LAMA3: variants seen among roughly 807,000 people sequenced by gnomAD.
LAMA3 encodes laminin subunit alpha-3.
Under a neutral mutation model 402.0 loss-of-function variants are expected in LAMA3, and 281 were observed. That is an observed-to-expected ratio of 0.70 (90% CI 0.63 to 0.77). The LOEUF (loss-of-function observed/expected upper bound fraction) is 0.77. Ranked by LOEUF, LAMA3 falls within the 30% of genes least tolerant of loss-of-function variation. The pLI is 0.00. For missense variants in LAMA3, 3,840 were observed against 4,215.5 expected (o/e 0.91, Z 2.47); for synonymous variants, 1,431 against 1,558.4 (o/e 0.92, Z 1.93).
At chr18:23,710,928 T>G (rs1339384265) in intron 1 of LAMA3, among the ~76,000 whole-genome samples, 1 of 152,234 alleles carries the variant, frequency 6.6e-6, no homozygotes, top group Non-Finnish European at 1.5e-5. Context: ...ACACTTTTGC[T>G]TGTTAATGTT....
chr18:23,943,745 G>T, intron 68 of LAMA3, 43 bp from the exon 69 acceptor site: 1 of 1,591,780 alleles, frequency 6.3e-7, no homozygotes. Context: ...TCGAAGGAAC[G>T]CTGAACACCT....
intron 19 of LAMA3, among the ~76,000 whole-genome samples, chr18:23,820,292 A>G (rs2063259849): frequency 6.6e-6 from 1 of 152,226 alleles, no homozygotes; most frequent in Non-Finnish European, 1.5e-5. Flanking sequence ...GAGACTTTTT[A>G]TAGAAGGGGG....
At position 23,689,637 on chromosome 18, in the gene LAMA3, C is replaced by G; in HGVS notation, c.-47C>G. 1 of 1,250,444 alleles carries G rather than the reference C, an allele frequency of 8.0e-7. No homozygotes were observed. Among genetic ancestry groups the G allele is most frequent in the South Asian group, 3.3e-5 (1 of 29,986 alleles). The allele number at this position is 1,250,444 out of a possible 1,614,324, so 77.5% of individuals were successfully genotyped here. ...CGCAGGCGGAGAGCGGCGGTGCCCC[C>G]GAGCCCCTCTGCGGACGGCTCAGGC... On this transcript the variant is annotated 5_prime_UTR_variant, in exon 1 of 75. Coordinates refer to ENST00000313654, the MANE Select transcript of LAMA3 (RefSeq NM_198129.4).
At chr18:23,939,113 C>T in intron 67 of LAMA3, 110 bp from the exon 68 acceptor site, 2 of 1,164,606 alleles carry the variant, frequency 1.7e-6, no homozygotes, top group Non-Finnish European at 2.5e-6. Flanking sequence ...TTCTATTGCC[C>T]TACTGAATTC....
intron 2 of LAMA3, among the ~76,000 whole-genome samples, chr18:23,718,340 G>A (rs1477831022): frequency 2.0e-5 from 3 of 152,152 alleles, no homozygotes; most frequent in Admixed American, 6.5e-5. Context: ...AGGTGGGTGC[G>A]GAGGGAGTTC....
At chr18:23,757,826 T>A (rs1598732218) in intron 6 of LAMA3, among the ~76,000 whole-genome samples, 1 of 152,266 alleles carries the variant, frequency 6.6e-6, no homozygotes, top group African/African-American at 2.4e-5. Context: ...ATGAGACTTT[T>A]AACCCTTTGC....
intron 29 of LAMA3, among the ~76,000 whole-genome samples, chr18:23,844,422 A>G (rs1011918460): frequency 5.3e-5 from 8 of 152,312 alleles, no homozygotes; most frequent in African/African-American, 1.9e-4. Context: ...CCAGGGAGAC[A>G]TCAGGCATGG....
At chr18:23,747,838 A>G (rs2061677818) in intron 2 of LAMA3, 105 bp from the exon 3 acceptor site, 8 of 765,752 alleles carry the variant, frequency 1.0e-5, no homozygotes, top group Non-Finnish European at 1.9e-5. Context: ...TGAGCAAGGG[A>G]TTGTGGTGGG....
rs117794189 is a variant in LAMA3 at position 23,899,922 on chromosome 18, G to A, written c.6004+467G>A. On this transcript the variant is annotated intron_variant, in intron 47 of 74. Transcript: ENST00000313654. Reference sequence around the variant, plus strand: ...TTTTGGATTTTGGAATATTTGCATAGACTTAATGAGACCTCTTGGAGATGG... The same window carrying A: ...TTTTGGATTTTGGAATATTTGCATAAACTTAATGAGACCTCTTGGAGATGG... 5.8e-4 allele frequency among the ~76,000 whole-genome samples: 89 copies of A among 152,178 alleles called. No homozygotes were observed. The East Asian group carries it at 0.016, about 27-fold the overall frequency.
chr18:23,903,135 A>G lies in LAMA3; in HGVS notation c.6318+10A>G. On this transcript the variant is annotated intron_variant, in intron 49 of 74. Transcript: ENST00000313654. ...GGAGAAAAGCCAGAAGGTAGAGGAAATAGTTGTTCTCTAGAAAAATCTAAA... is the reference window on the plus strand; with the variant it reads ...GGAGAAAAGCCAGAAGGTAGAGGAAGTAGTTGTTCTCTAGAAAAATCTAAA... The G allele has an allele frequency of 2.0e-6, 3 of 1,510,620 alleles. No homozygotes were observed. The South Asian group carries it at 3.4e-5, about 17-fold the overall frequency. 93.6% of individuals were successfully genotyped at this position (1,510,620 alleles called of 1,614,324 possible).
chr18:23,731,267 A>G (rs1482563102), intron 2 of LAMA3, among the ~76,000 whole-genome samples: 1 of 152,176 alleles, frequency 6.6e-6, no homozygotes, highest in Non-Finnish European at 1.5e-5. Flanking sequence ...GCTAGCTAAG[A>G]GTGGGATTCT....
chr18:23,823,441 G>A (rs2063325610), intron 20 of LAMA3, among the ~76,000 whole-genome samples: 1 of 152,106 alleles, frequency 6.6e-6, no homozygotes, highest in South Asian at 2.1e-4. Flanking sequence ...TCGTTTCCTT[G>A]TCCTCCGGGA....
rs1214642796 is a variant in LAMA3, at chr18:23,815,582, G to A, written c.2047+9G>A. The A allele has an allele frequency of 6.4e-7, 1 of 1,564,802 alleles. No individual in the cohort carries two copies. The highest frequency in any genetic ancestry group is 2.2e-5 in the East Asian group (1 of 44,690). On this transcript the variant is annotated intron_variant, in intron 17 of 74. Coordinates refer to ENST00000313654, the MANE Select transcript of LAMA3 (RefSeq NM_198129.4). ...TTACTTTGGGTGTCAAGGTAAATAA[G>A]TCCATTGGGCCCTGAGCAAAGCACA...
rs935723108 is a variant in LAMA3, at chr18:23,764,174, A to T, written c.1182+651A>T. Among the ~76,000 whole-genome samples the T allele has an allele frequency of 3.0e-4, 46 of 152,306 alleles. 1 individual carries two copies. Among genetic ancestry groups the T allele is most frequent in the African/African-American group, 1.1e-3 (44 of 41,566 alleles). On this transcript the variant is annotated intron_variant, in intron 8 of 74. Transcript: ENST00000313654. ...ACTGAAGAGGCGTTCTTCACATGAG[A>T]TGCCCATTAATATGAAACCAGGGCT... is the stretch of plus-strand genomic sequence containing the variant.
At chr18:23,826,675 A>G (rs200709068) in intron 21 of LAMA3, 27 bp from the exon 22 acceptor site, 2 of 1,428,342 alleles carry the variant, frequency 1.4e-6, no homozygotes, top group African/African-American at 2.8e-5. Flanking sequence ...AAAATGAATG[A>G]TTCTCCTTTT....
intron 1 of LAMA3, among the ~76,000 whole-genome samples, chr18:23,706,337 A>T (rs1035210327): frequency 6.6e-6 from 1 of 152,148 alleles, no homozygotes; most frequent in African/African-American, 2.4e-5. Context: ...TTGGTTTATG[A>T]GTTTGAGAGT....
intron 13 of LAMA3, 86 bp downstream of exon 13, chr18:23,810,589 A>G (rs1016877581): frequency 2.0e-6 from 3 of 1,480,142 alleles, no homozygotes; most frequent in Admixed American, 3.4e-5. Flanking sequence ...CAAATCCCCC[A>G]CAGACTCACC....
intron 1 of LAMA3, among the ~76,000 whole-genome samples, chr18:23,711,130 G>C (rs1264007139): frequency 2.0e-5 from 3 of 152,130 alleles, no homozygotes; most frequent in Non-Finnish European, 2.9e-5. Flanking sequence ...TAAACAGAAA[G>C]TTTGACTCAT....
intron 68 of LAMA3, among the ~76,000 whole-genome samples, chr18:23,941,911 C>T (rs542405083): frequency 1.8e-4 from 27 of 152,248 alleles, no homozygotes; most frequent in African/African-American, 6.5e-4. Flanking sequence ...ACTTGGCTAC[C>T]CCTCATTCTC....
Sources: gnomAD v4.1 joint callset for allele counts (sites outside exome capture counted in the v4.1 genomes callset) on GRCh38, gnomAD v4.1.1 for gene constraint, MANE v1.5 for transcripts, NCBI Gene and HGNC (gene_info 2026-07-23, HGNC 2026-07-21) for gene names.